LPAR3: variants seen among roughly 807,000 people sequenced by gnomAD.
LPAR3 encodes LPA receptor 3.
LPAR3 carries 7 observed loss-of-function variants against 17.8 expected under a neutral mutation model. The observed-to-expected ratio is 0.39, with a 90% CI of 0.22 to 0.74. The LOEUF is 0.74. LPAR3 is among the 30% of genes least tolerant of loss of function. The pLI is 0.40. For synonymous variants in LPAR3, 179 were observed against 179.9 expected (o/e 0.99, Z 0.04); for missense variants, 391 against 453.4 (o/e 0.86, Z 1.25).
intron 2 of LPAR3, among the ~76,000 whole-genome samples, chr1:84,862,302 AAC>A (rs1472041927): frequency 6.6e-6 from 1 of 152,214 alleles, no homozygotes; most frequent in African/African-American, 2.4e-5. Flanking sequence ...TCAATGTGTC[AAC>A]GGTGTCAAAG....
chr1:84,845,152 C>T (rs1040320970), intron 2 of LPAR3, among the ~76,000 whole-genome samples: 1 of 152,140 alleles, frequency 6.6e-6, no homozygotes, highest in South Asian at 2.1e-4. Flanking sequence ...GCTAAAAGTG[C>T]TTTTCCTTCT....
At chr1:84,873,067 A>T (rs947032880) in intron 1 of LPAR3, among the ~76,000 whole-genome samples, 1 of 152,184 alleles carries the variant, frequency 6.6e-6, no homozygotes, top group Non-Finnish European at 1.5e-5. Context: ...CTCATCAAAA[A>T]CAAAGAAAAC....
At chr1:84,891,342 A>G (rs4579776) in intron 1 of LPAR3, among the ~76,000 whole-genome samples, 45,077 of 152,010 alleles carry the variant, frequency 0.3, 6,948 homozygotes, top group East Asian at 0.45. Flanking sequence ...TTGTCCAAAT[A>G]GTTAGACGTC....
intron 2 of LPAR3, among the ~76,000 whole-genome samples, chr1:84,830,155 C>T (rs777871442): frequency 3.9e-5 from 6 of 152,172 alleles, no homozygotes; most frequent in African/African-American, 7.2e-5. Flanking sequence ...AACCTGTTCT[C>T]GTAGCTAGTT....
intron 1 of LPAR3, among the ~76,000 whole-genome samples, chr1:84,879,487 A>G (rs1028267542): frequency 1.3e-5 from 2 of 150,790 alleles, no homozygotes; most frequent in African/African-American, 4.9e-5. Context: ...ACTTTTTTGT[A>G]TTTTTGGTAG....
At chr1:84,838,570 T>C (rs1174786231) in intron 2 of LPAR3, among the ~76,000 whole-genome samples, 1 of 152,212 alleles carries the variant, frequency 6.6e-6, no homozygotes, top group African/African-American at 2.4e-5. Flanking sequence ...CTAACTATTC[T>C]ATCCCTCTGA....
At chr1:84,839,890 G>A (rs1017346964) in intron 2 of LPAR3, among the ~76,000 whole-genome samples, 2 of 152,114 alleles carry the variant, frequency 1.3e-5, no homozygotes, top group Non-Finnish European at 2.9e-5. Flanking sequence ...TATCCATAGA[G>A]TGCTTATTTA....
At chr1:84,863,986 C>A (rs772844312) in intron 2 of LPAR3, among the ~76,000 whole-genome samples, 2 of 152,094 alleles carry the variant, frequency 1.3e-5, no homozygotes, top group Middle Eastern at 6.8e-3. Flanking sequence ...CCGAGGCAGG[C>A]GGATGGCTTC....
intron 2 of LPAR3, among the ~76,000 whole-genome samples, chr1:84,847,121 G>T (rs1232489018): frequency 6.6e-6 from 1 of 152,170 alleles, no homozygotes; most frequent in Non-Finnish European, 1.5e-5. Context: ...TTAAAACACT[G>T]AAGCTGGATT....
At position 84,811,849 on chromosome 1, in the gene LPAR3, C is replaced by G. The variant is rs1167479454; in HGVS notation, c.*1997G>C. ...ACTACATAAATACTATAATATCTAC[C>G]TTGAAGTTATTCTCATTTTAAATCA... On this transcript the variant is annotated 3_prime_UTR_variant, in exon 3 of 3. Transcript: ENST00000370611. 2 of 151,956 alleles carry G rather than the reference C, an allele frequency of 1.3e-5. No individual in the cohort carries two copies. Among genetic ancestry groups the G allele is most frequent in the African/African-American group, 4.8e-5 (2 of 41,342 alleles). The allele number at this position is 151,956 out of a possible 1,614,324, so 9.4% of individuals were successfully genotyped here. A position where few individuals can be genotyped will look rare whatever the true frequency, so the allele number is the denominator to read the frequency against.
At chr1:84,876,352 A>G (rs1424272402) in intron 1 of LPAR3, among the ~76,000 whole-genome samples, 2 of 152,122 alleles carry the variant, frequency 1.3e-5, no homozygotes, top group East Asian at 3.9e-4. Context: ...GCTGGCCCTT[A>G]GGGACTGCTT....
chr1:84,816,377 G>A (rs779308563), intron 2 of LPAR3, among the ~76,000 whole-genome samples: 1 of 152,190 alleles, frequency 6.6e-6, no homozygotes, highest in East Asian at 1.9e-4. Flanking sequence ...TTCAGAAGCC[G>A]CTTAGCCTGA....
At chr1:84,822,984 C>G (rs1659085586) in intron 2 of LPAR3, among the ~76,000 whole-genome samples, 1 of 152,144 alleles carries the variant, frequency 6.6e-6, no homozygotes. Flanking sequence ...CTGTCTTAAT[C>G]TTTGTTTTTA....
intron 1 of LPAR3, 31 bp from the exon 2 acceptor site, chr1:84,866,169 TC>T: frequency 6.8e-7 from 1 of 1,473,970 alleles, no homozygotes; most frequent in Non-Finnish European, 9.2e-7. Flanking sequence ...GAAACAAATA[TC>T]ATTTGTAAAA....
chr1:84,883,150 G>A (rs1249297161), intron 1 of LPAR3, among the ~76,000 whole-genome samples: 3 of 152,194 alleles, frequency 2.0e-5, no homozygotes. Context: ...AGTGAATGAC[G>A]TAGCAAATGT....
chr1:84,852,324 C>T (rs1245320170), intron 2 of LPAR3, among the ~76,000 whole-genome samples: 2 of 152,090 alleles, frequency 1.3e-5, no homozygotes, highest in African/African-American at 4.8e-5. Flanking sequence ...CGTGATCTGC[C>T]CTCCTCGGCC....
rs114385682 is a variant in LPAR3, at chr1:84,874,875, T to C, written c.-18-8737A>G. ...TATAATCACATTTCAGTAGCTTTAC[T>C]GTTTGAAGGGGTTGAGAATGTCAAT... On this transcript the variant is annotated intron_variant, in intron 1 of 2. Coordinates refer to ENST00000370611, the MANE Select transcript of LPAR3 (RefSeq NM_012152.3). 4.0e-3 allele frequency among the ~76,000 whole-genome samples: 613 copies of C among 151,634 alleles called. 5 individuals are homozygous for C. Among genetic ancestry groups the C allele is most frequent in the African/African-American group, 0.014 (598 of 41,300 alleles).
chr1:84,881,094 G>A (rs1450488626), intron 1 of LPAR3, among the ~76,000 whole-genome samples: 2 of 152,212 alleles, frequency 1.3e-5, no homozygotes, highest in East Asian at 3.9e-4. Flanking sequence ...ACAAAGAACA[G>A]AAAGGACATT....
At chr1:84,843,988 C>T (rs922608605) in intron 2 of LPAR3, among the ~76,000 whole-genome samples, 3 of 152,212 alleles carry the variant, frequency 2.0e-5, no homozygotes. Context: ...TCTCTCCCCA[C>T]TTTCTTACCA....
Sources: gnomAD v4.1 joint callset for allele counts (sites outside exome capture counted in the v4.1 genomes callset) on GRCh38, gnomAD v4.1.1 for gene constraint, MANE v1.5 for transcripts, NCBI Gene and HGNC (gene_info 2026-07-23, HGNC 2026-07-21) for gene names.